Variants in ICE2 observed in about 807,000 individuals in gnomAD.
The protein encoded by ICE2 is little elongation complex subunit 2.
ICE2 carries 87 observed loss-of-function variants against 105.4 expected under a neutral mutation model. That is an observed-to-expected ratio of 0.83 (90% CI 0.69 to 0.99). The LOEUF is 0.99. Ranked by LOEUF, ICE2 falls within the 50% of genes least tolerant of loss-of-function variation. The probability of loss-of-function intolerance (pLI) is 0.00; values close to 1 mark genes in which losing one functional copy is unlikely to be tolerated. For synonymous variants in ICE2, 399 were observed against 392.0 expected (o/e 1.02, Z -0.21); for missense variants, 1,323 against 1,146.7 (o/e 1.15, Z -2.22).
chr15:60,457,911 G>A (rs553915944), intron 5 of ICE2, among the ~76,000 whole-genome samples: 3 of 152,266 alleles, frequency 2.0e-5, no homozygotes, highest in Middle Eastern at 3.4e-3. Flanking sequence ...TCCTATGGTA[G>A]TTATTACAAG....
At chr15:60,463,868 C>T (rs1227366035) in intron 5 of ICE2, among the ~76,000 whole-genome samples, 1 of 152,136 alleles carries the variant, frequency 6.6e-6, no homozygotes, top group East Asian at 1.9e-4. Flanking sequence ...TTATCACCAC[C>T]AAAGCTGGGA....
intron 13 of ICE2, among the ~76,000 whole-genome samples, chr15:60,434,520 TACACAC>T (rs71122858): frequency 0.023 from 3,264 of 144,850 alleles, 73 homozygotes; most frequent in African/African-American, 0.059. Flanking sequence ...AAAATGTGAT[TACACAC>T]ACACACACAC....
chr15:60,469,041 G>A (rs181958970), intron 3 of ICE2, among the ~76,000 whole-genome samples: 1 of 152,176 alleles, frequency 6.6e-6, no homozygotes, highest in African/African-American at 2.4e-5. Context: ...TTTATGGAAT[G>A]TGTGAAGGTT....
Position 60,456,540 on chromosome 15 carries a change from C to CA in ICE2, c.666+116dup, listed in dbSNP as rs1425301397. The CA allele has an allele frequency of 7.8e-3, 284 of 36,588 alleles. 5 individuals are homozygous for CA. The highest frequency in any genetic ancestry group is 0.032 in the Middle Eastern group (3 of 94). 2.3% of individuals were successfully genotyped at this position (36,588 alleles called of 1,614,324 possible). A position where few individuals can be genotyped will look rare whatever the true frequency, so the allele number is the denominator to read the frequency against. On this transcript the variant is annotated intron_variant, in intron 6 of 15. Transcript: ENST00000261520. ...GGCGACGAGAGAGAGACTCTGTCTCCAAAAAAAAAAATAAATAAATAAATA... is the reference window on the plus strand; with the variant it reads ...GGCGACGAGAGAGAGACTCTGTCTCCAAAAAAAAAAAATAAATAAATAAATA...
At chr15:60,436,276 G>GAA (rs377506035) in intron 12 of ICE2, 49 bp from the exon 13 acceptor site, 481 of 483,306 alleles carry the variant, frequency 1.0e-3, no homozygotes, top group South Asian at 2.5e-3. Flanking sequence ...GCAGTATTTA[G>GAA]AAAAAAAAAA....
At position 60,449,528 on chromosome 15, in the gene ICE2, T is replaced by C; in HGVS notation, c.1439A>G (p.Glu480Gly). Reference sequence around the variant, plus strand: ...TCCCTGATCATCTTTATTTTTGCATTCCTCAGGGCCACCATCCATACCAGT... The same window carrying C: ...TCCCTGATCATCTTTATTTTTGCATCCCTCAGGGCCACCATCCATACCAGT... ...LVTGMDGGPE[E>G]CKNKDDQGFE... The change falls in exon 10 of 16, where the codon GAA becomes GGA. Residue 480 changes from glutamate (E) to glycine (G), a missense_variant. Glu to Gly is a moderately conservative substitution (Grantham distance 98, BLOSUM62 -2). Transcript: ENST00000261520. The C allele has an allele frequency of 6.2e-7, 1 of 1,614,188 alleles. No homozygotes were observed. The highest frequency in any genetic ancestry group is 1.1e-5 in the South Asian group (1 of 91,082).
chr15:60,466,507 A>T, intron 5 of ICE2, 87 bp downstream of exon 5: 2 of 1,480,412 alleles, frequency 1.4e-6, no homozygotes, highest in Non-Finnish European at 1.8e-6. Context: ...ACAGTTCCGA[A>T]TGCTTTTGGT....
intron 13 of ICE2, among the ~76,000 whole-genome samples, chr15:60,432,233 G>C (rs973332415): frequency 7.0e-5 from 10 of 143,366 alleles, no homozygotes; most frequent in Non-Finnish European, 1.5e-4. Flanking sequence ...GCCCAGGCTG[G>C]AGTGAGTGCA....
At chr15:60,432,834 G>A (rs1293274316) in intron 13 of ICE2, among the ~76,000 whole-genome samples, 1 of 151,970 alleles carries the variant, frequency 6.6e-6, no homozygotes, top group African/African-American at 2.4e-5. Context: ...GGAGCTTGCA[G>A]TGAGCCGAGA....
At chr15:60,440,761 G>A (rs571725744) in intron 12 of ICE2, 2 of 152,092 alleles carry the variant, frequency 1.3e-5, no homozygotes, top group South Asian at 2.1e-4. Flanking sequence ...AAACTCAGAT[G>A]TTATCCCCCC....
rs1183618366 is a variant in ICE2 at position 60,468,094 on chromosome 15, A to G, written c.375T>C (p.Val125=). The part of the protein sequence containing the change: ...YAKIPANSKA[V]GINKNDYLQY... ...GCAAGTAGTCATTTTTATTTATTCC[A>G]ACAGCTTTGGAATTTGCAGGAATCT... The change falls in exon 4 of 16, where the codon GTT becomes GTC. Residue 125 remains valine (V), a synonymous_variant. Transcript: ENST00000261520. 6.2e-7 allele frequency: 1 copy of G among 1,613,510 alleles called. No individual in the cohort carries two copies. Among genetic ancestry groups the G allele is most frequent in the East Asian group, 2.2e-5 (1 of 44,862 alleles).
At chr15:60,465,180 T>C (rs2064387253) in intron 5 of ICE2, among the ~76,000 whole-genome samples, 1 of 152,138 alleles carries the variant, frequency 6.6e-6, no homozygotes, top group African/African-American at 2.4e-5. Context: ...AATTCTTCCT[T>C]ACAGTGTTTT....
At chr15:60,457,526 T>G (rs1184950986) in intron 5 of ICE2, among the ~76,000 whole-genome samples, 1 of 152,168 alleles carries the variant, frequency 6.6e-6, no homozygotes, top group Non-Finnish European at 1.5e-5. Context: ...ATATTTTAGG[T>G]CACAAAAGCT....
At chr15:60,434,154 C>T (rs2063526161) in intron 13 of ICE2, among the ~76,000 whole-genome samples, 1 of 152,174 alleles carries the variant, frequency 6.6e-6, no homozygotes, top group African/African-American at 2.4e-5. Context: ...ATACTACCAC[C>T]AGCCTTTCCT....
chr15:60,441,855 C>A (rs2063727314), intron 12 of ICE2: 1 of 152,098 alleles, frequency 6.6e-6, no homozygotes, highest in Admixed American at 6.6e-5. Flanking sequence ...AAAGTCATTT[C>A]ATCAAAATAT....
chr15:60,459,519 A>G (rs1032060185), intron 5 of ICE2, among the ~76,000 whole-genome samples: 14 of 152,198 alleles, frequency 9.2e-5, no homozygotes, highest in African/African-American at 3.4e-4. Context: ...GCACATCTAG[A>G]ATACATAGGT....
At chr15:60,462,910 T>C (rs536042285) in intron 5 of ICE2, among the ~76,000 whole-genome samples, 21 of 152,348 alleles carry the variant, frequency 1.4e-4, no homozygotes, top group African/African-American at 3.4e-4. Flanking sequence ...ATTCCACTTA[T>C]AGGTATACAA....
chr15:60,465,750 CT>C (rs201899350), intron 5 of ICE2, among the ~76,000 whole-genome samples: 226 of 126,988 alleles, frequency 1.8e-3, no homozygotes, highest in Middle Eastern at 4.3e-3. Context: ...ATACTTTATT[CT>C]TTTTTTTTTT....
chr15:60,452,213 T>C, intron 9 of ICE2: 1 of 943,884 alleles, frequency 1.1e-6, no homozygotes. Context: ...ATCATAAAAA[T>C]ATTAAAAGGC....
Sources: gnomAD v4.1 joint callset for allele counts (sites outside exome capture counted in the v4.1 genomes callset) on GRCh38, gnomAD v4.1.1 for gene constraint, MANE v1.5 for transcripts, NCBI Gene and HGNC (gene_info 2026-07-23, HGNC 2026-07-21) for gene names.